The following HOMER1 variants were observed in gnomAD, a reference collection of about 807,000 sequenced individuals.
HOMER1 encodes homer scaffold protein 1.
A neutral mutation model predicts 48.9 loss-of-function variants in HOMER1; 3 were observed. The observed-to-expected ratio is 0.06, with a 90% CI of 0.03 to 0.16. HOMER1 has a LOEUF of 0.16. Ranked by LOEUF, HOMER1 falls within the 10% of genes least tolerant of loss-of-function variation. The pLI, the probability that HOMER1 is intolerant of heterozygous loss-of-function variation, is 1.00. For synonymous variants in HOMER1, 134 were observed against 146.4 expected, an observed-to-expected ratio of 0.92 and a Z score of 0.61; for missense variants, 247 against 411.4, an observed-to-expected ratio of 0.60 and a Z score of 3.46.
At chr5:79,444,357 T>C (rs1412983022) in intron 4 of HOMER1, among the ~76,000 whole-genome samples, 1 of 152,154 alleles carries the variant, frequency 6.6e-6, no homozygotes. Context: ...GTGCATACCA[T>C]GCCTGGCTGA....
At chr5:79,510,560 A>G in intron 1 of HOMER1, 2 of 760,600 alleles carry the variant, frequency 2.6e-6, no homozygotes, top group Non-Finnish European at 4.7e-6. Flanking sequence ...CCTGAGGAAC[A>G]TGCAGTTTGC....
At chr5:79,475,705 TAC>T (rs1751757222) in intron 1 of HOMER1, among the ~76,000 whole-genome samples, 1 of 152,138 alleles carries the variant, frequency 6.6e-6, no homozygotes, top group Non-Finnish European at 1.5e-5. Context: ...TCTATCAAAA[TAC>T]AGATTATTTT....
chr5:79,472,596 G>A (rs900333366), intron 1 of HOMER1, among the ~76,000 whole-genome samples: 1 of 150,754 alleles, frequency 6.6e-6, no homozygotes, highest in African/African-American at 2.4e-5. Flanking sequence ...ACCACGTAGT[G>A]AGACCTTGTC....
chr5:79,482,259 A>G (rs752129862), intron 1 of HOMER1, among the ~76,000 whole-genome samples: 5 of 152,138 alleles, frequency 3.3e-5, no homozygotes, highest in Non-Finnish European at 7.4e-5. Flanking sequence ...ATAGCACCCA[A>G]TAAGATAAAA....
chr5:79,438,278 AG>A (rs1750648465), intron 5 of HOMER1, among the ~76,000 whole-genome samples: 5 of 152,258 alleles, frequency 3.3e-5, no homozygotes, highest in Admixed American at 3.3e-4. Flanking sequence ...ACTTTAAAAC[AG>A]ATGACTGATA....
chr5:79,409,428 C>CA (rs34814720), intron 5 of HOMER1, among the ~76,000 whole-genome samples: 24,808 of 119,496 alleles, frequency 0.21, 3,172 homozygotes, highest in East Asian at 0.46. Context: ...CAAGACGTCT[C>CA]AAAAAAAAAA....
chr5:79,407,351 A>C (rs899438476), intron 5 of HOMER1, among the ~76,000 whole-genome samples: 2 of 152,348 alleles, frequency 1.3e-5, no homozygotes, highest in Middle Eastern at 3.4e-3. Context: ...GTCAAGAAAG[A>C]AAGCAATCAA....
At chr5:79,409,882 G>A (rs1044829907) in intron 5 of HOMER1, among the ~76,000 whole-genome samples, 1 of 152,192 alleles carries the variant, frequency 6.6e-6, no homozygotes. Flanking sequence ...GGGTTGGTGA[G>A]GAGGTGGAGA....
intron 1 of HOMER1, among the ~76,000 whole-genome samples, chr5:79,470,389 T>G (rs562983601): frequency 8.5e-5 from 13 of 152,326 alleles, no homozygotes; most frequent in Middle Eastern, 3.4e-3. Context: ...ATGCATTTTC[T>G]TCCCCCTGCA....
intron 2 of HOMER1, among the ~76,000 whole-genome samples, chr5:79,454,304 A>G (rs1398619789): frequency 6.6e-6 from 1 of 152,076 alleles, no homozygotes; most frequent in African/African-American, 2.4e-5. Flanking sequence ...TTTTGTATAC[A>G]ACATTTAACT....
chr5:79,401,319 C>T (rs1356856667), intron 6 of HOMER1, among the ~76,000 whole-genome samples: 1 of 152,092 alleles, frequency 6.6e-6, no homozygotes, highest in Non-Finnish European at 1.5e-5. Flanking sequence ...TTAATCTTCA[C>T]AGGAATTGTA....
intron 5 of HOMER1, among the ~76,000 whole-genome samples, chr5:79,425,662 G>GA (rs1386850602): frequency 1.3e-5 from 2 of 151,990 alleles, no homozygotes; most frequent in Admixed American, 1.3e-4. Context: ...TTAAAAAGGT[G>GA]AAAAGATATA....
At chr5:79,484,880 C>T (rs1337337227) in intron 1 of HOMER1, among the ~76,000 whole-genome samples, 2 of 152,146 alleles carry the variant, frequency 1.3e-5, no homozygotes, top group Admixed American at 6.5e-5. Flanking sequence ...GGACCTTCTA[C>T]CCCACATTAC....
chr5:79,439,540 T>C (rs973414220), intron 4 of HOMER1, among the ~76,000 whole-genome samples: 2 of 152,058 alleles, frequency 1.3e-5, no homozygotes, highest in Non-Finnish European at 2.9e-5. Context: ...AAGATGTGAT[T>C]TTGGTGAAAG....
chr5:79,510,614 A>AGTGCCAAGGCCATGAGTGCAC (rs1752914886), intron 1 of HOMER1: 1 of 863,592 alleles, frequency 1.2e-6, no homozygotes, highest in Non-Finnish European at 1.9e-6. Context: ...GCAGGCTAAC[A>AGTGCCAAGGCCATGAGTGCAC]GTGCCAAGGC....
chr5:79,496,558 G>A (rs2112366056), intron 1 of HOMER1, among the ~76,000 whole-genome samples: 1 of 152,188 alleles, frequency 6.6e-6, no homozygotes, highest in Admixed American at 6.5e-5. Context: ...CAAACTTGGG[G>A]ACCAGCCAAA....
intron 1 of HOMER1, among the ~76,000 whole-genome samples, chr5:79,465,584 CTTTTTTTT>C (rs10666507): frequency 1.7e-3 from 129 of 77,902 alleles, no homozygotes; most frequent in African/African-American, 4.1e-3. Flanking sequence ...TACATTTCTT[CTTTTTTTT>C]TTTTTTTTTT....
chr5:79,502,446 A>G (rs569049799), intron 1 of HOMER1, among the ~76,000 whole-genome samples: 2 of 152,314 alleles, frequency 1.3e-5, no homozygotes, highest in East Asian at 3.9e-4. Flanking sequence ...TAATATGTTC[A>G]TTATAGAGAA....
At chr5:79,429,363 A>C (rs539806996) in intron 5 of HOMER1, among the ~76,000 whole-genome samples, 194 of 152,310 alleles carry the variant, frequency 1.3e-3, no homozygotes, top group Non-Finnish European at 2.4e-3. Context: ...TGACAAAGCA[A>C]GACTCTGTCT....
Sources: gnomAD v4.1 joint callset for allele counts (sites outside exome capture counted in the v4.1 genomes callset) on GRCh38, gnomAD v4.1.1 for gene constraint, MANE v1.5 for transcripts, NCBI Gene and HGNC (gene_info 2026-07-23, HGNC 2026-07-21) for gene names.